DYNC2H1: variants seen among roughly 807,000 people sequenced by gnomAD.
DYNC2H1 encodes cytoplasmic dynein 2 heavy chain 1.
Under a neutral mutation model 570.0 loss-of-function variants are expected in DYNC2H1, and 410 were observed. That is an observed-to-expected ratio of 0.72 (90% confidence interval 0.66 to 0.78). The LOEUF is 0.78. Among genes scored for constraint, DYNC2H1 ranks in the 30% least tolerant of loss-of-function variants. DYNC2H1 has a pLI of 0.00. For synonymous variants in DYNC2H1, 1,688 were observed against 1,677.6 expected (o/e 1.01, Z -0.15); for missense variants, 4,865 against 5,046.4 (o/e 0.96, Z 1.09).
chr11:103,418,382 A>G (rs1943362926), intron 84 of DYNC2H1, among the ~76,000 whole-genome samples: 1 of 152,234 alleles, frequency 6.6e-6, no homozygotes, highest in Non-Finnish European at 1.5e-5. Context: ...ATGTGAAAAC[A>G]AATTATTGAA....
intron 60 of DYNC2H1, among the ~76,000 whole-genome samples, chr11:103,232,501 AT>A (rs906079323): frequency 1.3e-5 from 2 of 152,024 alleles, no homozygotes; most frequent in Admixed American, 1.3e-4. Context: ...ACAGAATGAC[AT>A]TTTTCATTAT....
chr11:103,451,796 T>G (rs1944614803), intron 85 of DYNC2H1, among the ~76,000 whole-genome samples: 1 of 152,212 alleles, frequency 6.6e-6, no homozygotes. Context: ...TATCTCAGTT[T>G]TACATAACTT....
Position 103,201,798 on chromosome 11 carries a change from CTA to C in DYNC2H1, c.8197+1646_8197+1647del, listed in dbSNP as rs1862729060. Among the ~76,000 whole-genome samples the C allele has an allele frequency of 6.6e-6, 1 of 152,064 alleles. No homozygotes were observed. Among genetic ancestry groups the C allele is most frequent in the South Asian group, 2.1e-4 (1 of 4,826 alleles). On this transcript the variant is annotated intron_variant, in intron 50 of 88. Transcript: ENST00000375735. This position sits in a 1 kb window ranked among gnomAD's most constrained non-coding sequence, Gnocchi z 4.8. ...ATTTATGAAGTTTGTTAGAATATTT[CTA>C]TGAGTAATCACTGTTAGTGATTGGG...
rs551605699 is a variant in DYNC2H1 at position 103,360,835 on chromosome 11, A to C, written c.12156+2476A>C. The stretch of plus-strand genomic sequence containing the variant: ...AAAATATATTATTACAAATTATTGC[A>C]GATGCTGTGGGTGGAAAGCACAAGT... On this transcript the variant is annotated intron_variant, in intron 83 of 88. Coordinates refer to ENST00000375735, the MANE Select transcript of DYNC2H1 (RefSeq NM_001377.3). Among the ~76,000 whole-genome samples, 63 of 152,318 alleles carry C rather than the reference A, an allele frequency of 4.1e-4. 1 individual carries two copies. The South Asian group carries it at 0.013, about 32-fold the overall frequency.
intron 70 of DYNC2H1, among the ~76,000 whole-genome samples, chr11:103,263,437 C>A (rs1157172041): frequency 1.3e-5 from 2 of 152,122 alleles, no homozygotes; most frequent in African/African-American, 4.8e-5. Context: ...CACACTTATT[C>A]TAAAATTGAC....
chr11:103,174,122 A>C lies in DYNC2H1; in HGVS notation c.5626A>C (p.Ser1876Arg). ...AGCTTTGAAGACAGTTCTGAGAGGA[A>C]GTGGAAATCTCCTTAGACAGCTAAA... ...LRALKTVLRG[S>R]GNLLRQLNKS... Residue 1876 changes from serine to arginine, a missense_variant, in exon 36 of 89, where the codon AGT (serine) becomes CGT (arginine). By Grantham distance (110) the Ser-to-Arg change is moderately radical (BLOSUM62 -1). Coordinates refer to ENST00000375735, the MANE Select transcript of DYNC2H1 (RefSeq NM_001377.3). The C allele has an allele frequency of 2.5e-6, 4 of 1,589,944 alleles. No homozygotes were observed. Among genetic ancestry groups the C allele is most frequent in the Non-Finnish European group, 3.4e-6 (4 of 1,166,778 alleles).
In DYNC2H1 at chr11:103,222,980, A is replaced by G. The variant is rs1332621052; in HGVS notation, c.9247A>G (p.Ser3083Gly). ...SFDPKNAKRA[S>G]TAAAPLAAWV... Reference sequence around the variant, plus strand: ...GATTTTTCAGAATGCTAAGCGTGCCAGTACTGCAGCTGCACCTTTGGCTGC... The same window carrying G: ...GATTTTTCAGAATGCTAAGCGTGCCGGTACTGCAGCTGCACCTTTGGCTGC... Residue 3083 changes from serine (S) to glycine (G), a missense_variant, in exon 59 of 89, where the codon AGT (serine) becomes GGT (glycine). Transcript: ENST00000375735. 1 of 1,613,238 alleles carries G rather than the reference A, an allele frequency of 6.2e-7. No individual in the cohort carries two copies. The highest frequency in any genetic ancestry group is 8.5e-7 in the Non-Finnish European group (1 of 1,179,534).
chr11:103,336,515 A>T (rs182685693), intron 82 of DYNC2H1, among the ~76,000 whole-genome samples: 15 of 151,966 alleles, frequency 9.9e-5, no homozygotes, highest in Non-Finnish European at 1.8e-4. Flanking sequence ...CCTCCATGAG[A>T]TCAACTTTTT....
In DYNC2H1 at chr11:103,243,707, A is replaced by C; in HGVS notation, c.9834A>C (p.Pro3278=). 1 of 1,603,554 alleles carries C rather than the reference A, an allele frequency of 6.2e-7. No individual in the cohort carries two copies. Among genetic ancestry groups the C allele is most frequent in the Non-Finnish European group, 8.5e-7 (1 of 1,174,348 alleles). Residue 3278 remains proline, a synonymous_variant, in exon 64 of 89, where the codon CCA becomes CCC. Coordinates refer to ENST00000375735, the MANE Select transcript of DYNC2H1 (RefSeq NM_001377.3). The surrounding 1 kb of genome is among the most constrained non-coding windows in gnomAD (Gnocchi z 4.8). ...TTTTATACTAGAGTCGAGTGTGCCC[A>C]TTTCTTATAGATCCTTCTTCCCAAG... is the stretch of plus-strand genomic sequence containing the variant. The part of the protein sequence containing the change: ...ALVILQSRVC[P]FLIDPSSQAT...
At chr11:103,274,831 A>G (rs986133838) in intron 70 of DYNC2H1, among the ~76,000 whole-genome samples, 9 of 152,208 alleles carry the variant, frequency 5.9e-5, no homozygotes, top group Non-Finnish European at 1.0e-4. Flanking sequence ...GTGGTGGCTC[A>G]TGCCTGTAAT....
rs540683979 is a variant in DYNC2H1, at chr11:103,268,706, G to A, written c.10695+8729G>A. Among the ~76,000 whole-genome samples the A allele has an allele frequency of 2.6e-5, 4 of 151,970 alleles. No homozygotes were observed. In the South Asian group the frequency reaches 6.2e-4, roughly 24 times the overall value. On this transcript the variant is annotated intron_variant, in intron 70 of 88. Transcript: ENST00000375735. This position sits in a 1 kb window ranked among gnomAD's most constrained non-coding sequence, Gnocchi z 4.6. ...CTGCCCCAAATCTTTTTTGAAAGTGGATATGTTATAAATAAATATTATTAT... is the reference window on the plus strand; with the variant it reads ...CTGCCCCAAATCTTTTTTGAAAGTGAATATGTTATAAATAAATATTATTAT...
chr11:103,339,451 G>A (rs1939328532), intron 82 of DYNC2H1, among the ~76,000 whole-genome samples: 1 of 152,172 alleles, frequency 6.6e-6, no homozygotes, highest in African/African-American at 2.4e-5. Flanking sequence ...CCCTGGGTGG[G>A]TCAAGAAACA....
In DYNC2H1 at chr11:103,221,753, G is replaced by A. The variant is rs1212200331; in HGVS notation, c.9108-277G>A. ...CACCTGTGGTCCCAGCTACTTGGGAGGCTGAGCTGGGAGGATCGCTTGAGC... is the reference window on the plus strand; with the variant it reads ...CACCTGTGGTCCCAGCTACTTGGGAAGCTGAGCTGGGAGGATCGCTTGAGC... On this transcript the variant is annotated intron_variant, in intron 57 of 88. Coordinates refer to ENST00000375735, the MANE Select transcript of DYNC2H1 (RefSeq NM_001377.3). Among the ~76,000 whole-genome samples, 3 of 152,260 alleles carry A rather than the reference G, an allele frequency of 2.0e-5. No homozygotes were observed. The East Asian group carries it at 5.8e-4, about 30-fold the overall frequency.
At chr11:103,202,159 A>G (rs1862744604) in intron 50 of DYNC2H1, among the ~76,000 whole-genome samples, 1 of 152,220 alleles carries the variant, frequency 6.6e-6, no homozygotes, top group African/African-American at 2.4e-5. Flanking sequence ...ATAATGGCTT[A>G]GTGAAAGTAG....
In DYNC2H1 at chr11:103,237,361, CTG is replaced by C. The variant is rs568482494; in HGVS notation, c.9819+824_9819+825del. On this transcript the variant is annotated intron_variant, in intron 63 of 88. Transcript: ENST00000375735. ...CATGCTCCTCTTTATGTAGCATAAA[CTG>C]TATTATAAGATTTATATTTTAGGTG... Among the ~76,000 whole-genome samples the C allele has an allele frequency of 7.4e-3, 1,131 of 151,942 alleles. 6 individuals carry two copies. The highest frequency in any genetic ancestry group is 0.012 in the Non-Finnish European group (821 of 67,856).
Position 103,438,367 on chromosome 11 carries a change from A to G in DYNC2H1, c.12456+2335A>G, listed in dbSNP as rs541042076. On this transcript the variant is annotated intron_variant, in intron 85 of 88. Coordinates refer to ENST00000375735, the MANE Select transcript of DYNC2H1 (RefSeq NM_001377.3). ...GTACATATCCAGAGCAGCTTGTGAT[A>G]CTTGGAGAGCAATGTAACTACCTAT... 2.0e-5 allele frequency among the ~76,000 whole-genome samples: 3 copies of G among 152,204 alleles called. No homozygotes were observed. The South Asian group carries it at 6.2e-4, about 32-fold the overall frequency.
At chr11:103,134,853 G>A (rs963856572) in intron 15 of DYNC2H1, among the ~76,000 whole-genome samples, 9 of 151,980 alleles carry the variant, frequency 5.9e-5, no homozygotes, top group African/African-American at 2.2e-4. Context: ...TATAATAGTT[G>A]ATGCATATAA....
intron 83 of DYNC2H1, among the ~76,000 whole-genome samples, chr11:103,378,470 C>G (rs1941494054): frequency 6.6e-6 from 1 of 152,156 alleles, no homozygotes; most frequent in Non-Finnish European, 1.5e-5. Context: ...CTTTGGGATA[C>G]TGCAAATGGA....
In DYNC2H1 at chr11:103,305,854, T is replaced by C. The variant is rs1163616981; in HGVS notation, c.11382+1134T>C. Among the ~76,000 whole-genome samples, 1 of 152,216 alleles carries C rather than the reference T, an allele frequency of 6.6e-6. No homozygotes were observed. The highest frequency in any genetic ancestry group is 2.4e-5 in the African/African-American group (1 of 41,454). On this transcript the variant is annotated intron_variant, in intron 77 of 88. Coordinates refer to ENST00000375735, the MANE Select transcript of DYNC2H1 (RefSeq NM_001377.3). The surrounding 1 kb of genome is among the most constrained non-coding windows in gnomAD (Gnocchi z 4.3). ...TTCATGTAATTCTATTATGGCTTTCTGTAAAAATTACTAATGTGTAAAAAT... is the reference window on the plus strand; with the variant it reads ...TTCATGTAATTCTATTATGGCTTTCCGTAAAAATTACTAATGTGTAAAAAT...
Sources: gnomAD v4.1 joint callset for allele counts (sites outside exome capture counted in the v4.1 genomes callset) on GRCh38, gnomAD v4.1.1 for gene constraint, Gnocchi (gnomAD v3.1) non-coding constraint, MANE v1.5 for transcripts, NCBI Gene and HGNC (gene_info 2026-07-23, HGNC 2026-07-21) for gene names.